The following SCGB2B2 variants were observed in gnomAD, a reference collection of about 807,000 sequenced individuals.
The protein encoded by SCGB2B2 is secretoglobin family 2B member 2.
Under a neutral mutation model 7.6 loss-of-function variants are expected in SCGB2B2, and 11 were observed. The observed-to-expected ratio is 1.45, with a 90% CI of 0.91 to 2.40. The LOEUF is 2.40. Among genes scored for constraint, SCGB2B2 ranks in the 30% most tolerant of loss-of-function variants. SCGB2B2 has a pLI of 0.00. For synonymous variants in SCGB2B2, 50 were observed against 48.6 expected (o/e 1.03, Z -0.12); for missense variants, 104 against 115.4 (o/e 0.90, Z 0.45).
intron 1 of SCGB2B2, among the ~76,000 whole-genome samples, chr19:34,602,604 G>A (rs2145789504): frequency 6.6e-6 from 1 of 152,214 alleles, no homozygotes; most frequent in East Asian, 1.9e-4. Context: ...AGGAAGAGGA[G>A]GGTGAGATGA....
chr19:34,633,451 G>A (rs1367986805), intron 1 of SCGB2B2, among the ~76,000 whole-genome samples: 1 of 152,194 alleles, frequency 6.6e-6, no homozygotes, highest in Non-Finnish European at 1.5e-5. Context: ...ATAAAACAAT[G>A]AAGTGTTGAC....
At chr19:34,645,106 C>T (rs570389196) in intron 1 of SCGB2B2, among the ~76,000 whole-genome samples, 1 of 152,318 alleles carries the variant, frequency 6.6e-6, no homozygotes, top group African/African-American at 2.4e-5. Flanking sequence ...AACACACACA[C>T]GAACCCAGAT....
At chr19:34,631,567 G>T (rs561533916) in intron 1 of SCGB2B2, among the ~76,000 whole-genome samples, 1 of 117,936 alleles carries the variant, frequency 8.5e-6, no homozygotes, top group Non-Finnish European at 1.7e-5. Flanking sequence ...TATAAGATTT[G>T]CAGGATATAT....
rs569817720 is a variant in SCGB2B2 at position 34,595,656 on chromosome 19, C to T, written c.-1093G>A. On this transcript the variant is annotated 5_prime_UTR_variant, in exon 2 of 4. The change creates a new upstream start codon in the 5' untranslated region. Transcript: ENST00000601241. Reference sequence around the variant, plus strand: ...CTCAGAGGCCTTTTGTGGCTTTCCACAACTTATTCCCGTATTTTTATGGCC... The same window carrying T: ...CTCAGAGGCCTTTTGTGGCTTTCCATAACTTATTCCCGTATTTTTATGGCC... 2 of 152,394 alleles carry T rather than the reference C, an allele frequency of 1.3e-5. No individual in the cohort carries two copies. The highest frequency in any genetic ancestry group is 2.1e-4 in the South Asian group (1 of 4,828). 9.4% of individuals were successfully genotyped at this position (152,394 alleles called of 1,614,324 possible).
At position 34,593,492 on chromosome 19, in the gene SCGB2B2, AG is replaced by A. The variant is rs2065351580; in HGVS notation, c.*62del. ...CTGTAGTGATGAACAGAGCCAGGCCAGGAACGCGGGGAGCCCCAAGGAAGGC... is the reference window on the plus strand; with the variant it reads ...CTGTAGTGATGAACAGAGCCAGGCCAGAACGCGGGGAGCCCCAAGGAAGGC... On this transcript the variant is annotated 3_prime_UTR_variant, in exon 4 of 4. Coordinates refer to ENST00000601241, the MANE Select transcript of SCGB2B2 (RefSeq NM_001025591.4). The A allele has an allele frequency of 7.7e-7, 1 of 1,295,036 alleles. No individual in the cohort carries two copies. The highest frequency in any genetic ancestry group is 1.1e-6 in the Non-Finnish European group (1 of 916,378). 80.2% of individuals were successfully genotyped at this position (1,295,036 alleles called of 1,614,324 possible).
intron 1 of SCGB2B2, among the ~76,000 whole-genome samples, chr19:34,626,642 T>G (rs1047983307): frequency 6.6e-6 from 1 of 152,212 alleles, no homozygotes. Context: ...TTGGTGTACC[T>G]GAAAGTGATG....
chr19:34,585,873 A>G (rs1471492995), downstream of SCGB2B2, among the ~76,000 whole-genome samples: 1 of 152,240 alleles, frequency 6.6e-6, no homozygotes, highest in Non-Finnish European at 1.5e-5. Context: ...TGCAGAAGTA[A>G]CTGGGGAAGT....
chr19:34,636,315 C>A (rs1182390509), intron 1 of SCGB2B2, among the ~76,000 whole-genome samples: 1 of 152,146 alleles, frequency 6.6e-6, no homozygotes, highest in Admixed American at 6.5e-5. Context: ...GACAAAGAGT[C>A]TACTGTGCTA....
At chr19:34,652,502 A>C (rs1417039517) in intron 1 of SCGB2B2, among the ~76,000 whole-genome samples, 1 of 151,420 alleles carries the variant, frequency 6.6e-6, no homozygotes. Context: ...CTGAATAAAC[A>C]TCTCTCATAA....
At chr19:34,599,460 G>A (rs1600037435) in intron 1 of SCGB2B2, among the ~76,000 whole-genome samples, 1 of 152,374 alleles carries the variant, frequency 6.6e-6, no homozygotes, top group East Asian at 1.9e-4. Flanking sequence ...CACGGTGGAA[G>A]GTGAAAGGCA....
intron 1 of SCGB2B2, among the ~76,000 whole-genome samples, chr19:34,657,188 A>C (rs1161282003): frequency 2.0e-5 from 3 of 151,388 alleles, no homozygotes; most frequent in African/African-American, 4.9e-5. Context: ...AAAAGAACAG[A>C]TACCTTGGAA....
At chr19:34,664,018 C>G (rs1320977322) in intron 1 of SCGB2B2, among the ~76,000 whole-genome samples, 1 of 141,498 alleles carries the variant, frequency 7.1e-6, no homozygotes, top group African/African-American at 2.6e-5. Flanking sequence ...AGGGACTACT[C>G]CCCACTCAGC....
chr19:34,643,587 G>T (rs2066906145), intron 1 of SCGB2B2, among the ~76,000 whole-genome samples: 1 of 152,150 alleles, frequency 6.6e-6, no homozygotes, highest in Non-Finnish European at 1.5e-5. Context: ...TGTTCCCAAT[G>T]CATAGAAATG....
intron 1 of SCGB2B2, among the ~76,000 whole-genome samples, chr19:34,649,094 G>C (rs2067097208): frequency 6.6e-6 from 1 of 152,118 alleles, no homozygotes; most frequent in South Asian, 2.1e-4. Context: ...CTTTAGTAGA[G>C]ACAGGGTTTC....
chr19:34,675,671 G>A lies in SCGB2B2; in HGVS notation c.-2073C>T, dbSNP rs2067905324. On this transcript the variant is annotated 5_prime_UTR_variant, in exon 1 of 4. Transcript: ENST00000601241. ...GCTGCTTGTTATGTGTCCGGAATTG[G>A]TTCCTTCTGGTGGGTTCCTGGTCTG... 6.6e-6 allele frequency: 1 copy of A among 152,522 alleles called. No homozygotes were observed. Among genetic ancestry groups the A allele is most frequent in the Non-Finnish European group, 1.5e-5 (1 of 68,302 alleles). 9.4% of individuals were successfully genotyped at this position (152,522 alleles called of 1,614,324 possible). A position where few individuals can be genotyped will look rare whatever the true frequency, so the allele number is the denominator to read the frequency against.
At chr19:34,586,194 ATTAAG>A (rs1456481367), downstream of SCGB2B2, among the ~76,000 whole-genome samples, 1 of 152,192 alleles carries the variant, frequency 6.6e-6, no homozygotes, top group East Asian at 1.9e-4. Context: ...TCATTAATCT[ATTAAG>A]TTGATTCTAA....
chr19:34,659,271 T>G (rs553702080), intron 1 of SCGB2B2, among the ~76,000 whole-genome samples: 24 of 152,168 alleles, frequency 1.6e-4, no homozygotes, highest in South Asian at 4.2e-4. Context: ...TTCAACACAG[T>G]GTTGGAAGTT....
At chr19:34,601,805 G>A (rs1036626077) in intron 1 of SCGB2B2, among the ~76,000 whole-genome samples, 2 of 151,958 alleles carry the variant, frequency 1.3e-5, no homozygotes, top group Admixed American at 6.6e-5. Flanking sequence ...TTGCTTTATT[G>A]CATTGTAGAA....
At chr19:34,598,301 G>GT (rs2065520632) in intron 1 of SCGB2B2, among the ~76,000 whole-genome samples, 1 of 152,184 alleles carries the variant, frequency 6.6e-6, no homozygotes, top group Non-Finnish European at 1.5e-5. Context: ...AATGGGGTCT[G>GT]TAGGGTCTAG....
Sources: gnomAD v4.1 joint callset for allele counts (sites outside exome capture counted in the v4.1 genomes callset) on GRCh38, gnomAD v4.1.1 for gene constraint, MANE v1.5 for transcripts, NCBI Gene and HGNC (gene_info 2026-07-23, HGNC 2026-07-21) for gene names.